The following CDK5RAP2 variants were observed in gnomAD, a reference collection of about 807,000 sequenced individuals.
CDK5RAP2 encodes the protein CDK5 regulatory subunit associated protein 2.
CDK5RAP2 carries 147 observed loss-of-function variants against 232.9 expected under a neutral mutation model. That is an observed-to-expected ratio of 0.63 (90% CI 0.55 to 0.72). The LOEUF (loss-of-function observed/expected upper bound fraction) is 0.72. CDK5RAP2 is among the 30% of genes least tolerant of loss of function. The pLI is 0.00. For synonymous variants in CDK5RAP2, 833 were observed against 833.7 expected (o/e 1.00, Z 0.01); for missense variants, 2,195 against 2,231.5 (o/e 0.98, Z 0.33).
intron 24 of CDK5RAP2, 68 bp downstream of exon 24, chr9:120,439,331 G>A: frequency 7.7e-7 from 1 of 1,292,998 alleles, no homozygotes; most frequent in East Asian, 2.3e-5. Context: ...TAGCTCATGG[G>A]CTCCCACCTA....
At chr9:120,520,780 C>CAT (rs2040598781) in intron 11 of CDK5RAP2, among the ~76,000 whole-genome samples, 5 of 144,536 alleles carry the variant, frequency 3.5e-5, no homozygotes, top group Non-Finnish European at 6.0e-5. Context: ...TCAGATATCT[C>CAT]ATGAGATATA....
At chr9:120,443,841 T>TA (rs2036038111) in intron 22 of CDK5RAP2, 99 bp from the exon 23 acceptor site, 1 of 1,522,802 alleles carries the variant, frequency 6.6e-7, no homozygotes, top group Non-Finnish European at 9.0e-7. Flanking sequence ...ACAGGGAAAA[T>TA]AAAAACACTG....
rs766530370 is a variant in CDK5RAP2, at chr9:120,539,039, G to T, written c.507+2C>A. 5.0e-6 allele frequency: 8 copies of T among 1,613,828 alleles called. No homozygotes were observed. The East Asian group carries it at 1.3e-4, about 27-fold the overall frequency. ...CACTGCCCTCAGGATTTCCAGACTTGCCTTTTCCAAAAGGAGTATTCTTTT... is the reference window on the plus strand; with the variant it reads ...CACTGCCCTCAGGATTTCCAGACTTTCCTTTTCCAAAAGGAGTATTCTTTT... On this transcript the variant is annotated splice_donor_variant, in intron 6 of 37. Transcript: ENST00000349780. LOFTEE classifies it high-confidence loss of function.
Position 120,409,248 on chromosome 9 carries a change from G to A in CDK5RAP2, c.4483C>T (p.Gln1495Ter). The A allele has an allele frequency of 1.9e-6, 3 of 1,614,026 alleles. No individual in the cohort carries two copies. Among genetic ancestry groups the A allele is most frequent in the Non-Finnish European group, 8.5e-7 (1 of 1,179,966 alleles). ...SRKTVSLEHL[Q>*]REYASVKEEN... ...TCCTTCACGCTGGCATACTCCCGCTGAAGGTGCTCCAGGCTCACGGTCTTC... is the reference window on the plus strand; with the variant it reads ...TCCTTCACGCTGGCATACTCCCGCTAAAGGTGCTCCAGGCTCACGGTCTTC... Residue 1495 changes from glutamine to a stop codon, truncating the protein, a stop_gained, in exon 30 of 38, where the codon CAG (glutamine) becomes TAG (stop). Transcript: ENST00000349780. LOFTEE classifies it high-confidence loss of function.
chr9:120,555,544 A>T (rs1030897885), intron 3 of CDK5RAP2, among the ~76,000 whole-genome samples: 2 of 152,150 alleles, frequency 1.3e-5, no homozygotes, highest in Non-Finnish European at 2.9e-5. Context: ...GTAAAATAAA[A>T]TTTTTTAATC....
chr9:120,550,413 C>A (rs1184104571), intron 4 of CDK5RAP2, among the ~76,000 whole-genome samples: 2 of 152,222 alleles, frequency 1.3e-5, no homozygotes, highest in Admixed American at 1.3e-4. Context: ...ATTCTGGAAG[C>A]AAGCCCCAAA....
In CDK5RAP2 at chr9:120,507,920, AAAAAAAAAAAAAAAAAAAAAAAATATAT is replaced by A. The variant is rs1391077162; in HGVS notation, c.1311+10479_1311+10506del. 1.7e-3 allele frequency among the ~76,000 whole-genome samples: 101 copies of A among 59,316 alleles called. 1 individual carries two copies. Among genetic ancestry groups the A allele is most frequent in the African/African-American group, 4.8e-3 (94 of 19,500 alleles). 38.9% of individuals were successfully genotyped at this position (59,316 alleles called of 152,430 possible). A position where few individuals can be genotyped will look rare whatever the true frequency, so the allele number is the denominator to read the frequency against. ...AGCAGACTGGCTGATTAAAAAAAAA[AAAAAAAAAAAAAAAAAAAAAAAATATAT>A]ATATATATATATATATATATAGTGG... On this transcript the variant is annotated intron_variant, in intron 12 of 37. Coordinates refer to ENST00000349780, the MANE Select transcript of CDK5RAP2 (RefSeq NM_018249.6).
intron 12 of CDK5RAP2, among the ~76,000 whole-genome samples, chr9:120,498,182 T>C (rs370839480): frequency 1.3e-5 from 2 of 152,222 alleles, no homozygotes; most frequent in East Asian, 1.9e-4. Context: ...CACCAATAAA[T>C]AGTCTGGGCT....
At chr9:120,569,338 C>T (rs1421178542) in intron 2 of CDK5RAP2, among the ~76,000 whole-genome samples, 1 of 152,066 alleles carries the variant, frequency 6.6e-6, no homozygotes, top group African/African-American at 2.4e-5. Flanking sequence ...ATAAACAAAA[C>T]AAAAGGACAA....
chr9:120,397,951 A>G (rs1163031875), intron 35 of CDK5RAP2, among the ~76,000 whole-genome samples: 2 of 152,132 alleles, frequency 1.3e-5, no homozygotes, highest in African/African-American at 4.8e-5. Context: ...GTAAATCCAT[A>G]GGGTTCTCTC....
chr9:120,407,711 TAA>T lies in CDK5RAP2; in HGVS notation c.4727-465_4727-464del, dbSNP rs57709885. On this transcript the variant is annotated intron_variant, in intron 31 of 37. Coordinates refer to ENST00000349780, the MANE Select transcript of CDK5RAP2 (RefSeq NM_018249.6). ...GAAACCATCTGGAAAATTAGTAAAA[TAA>T]AAAAAAAAAAAAAACACCTCACCAC... The T allele has an allele frequency of 2.0e-3, 279 of 142,286 alleles. 2 individuals are homozygous for T. Among genetic ancestry groups the T allele is most frequent in the African/African-American group, 5.3e-3 (198 of 37,578 alleles). The allele number at this position is 142,286 out of a possible 1,614,324, so 8.8% of individuals were successfully genotyped here. A position where few individuals can be genotyped will look rare whatever the true frequency, so the allele number is the denominator to read the frequency against.
At chr9:120,577,061 A>G (rs970456167) in intron 1 of CDK5RAP2, among the ~76,000 whole-genome samples, 1 of 152,162 alleles carries the variant, frequency 6.6e-6, no homozygotes, top group Non-Finnish European at 1.5e-5. Flanking sequence ...CACTTAGAGT[A>G]GTCAAAATCA....
chr9:120,503,345 G>A (rs1303539620), intron 12 of CDK5RAP2, among the ~76,000 whole-genome samples: 1 of 152,176 alleles, frequency 6.6e-6, no homozygotes, highest in East Asian at 1.9e-4. Context: ...TGACCATAGG[G>A]GGAGGGCAGG....
chr9:120,521,664 T>C (rs1231238799), intron 11 of CDK5RAP2, among the ~76,000 whole-genome samples: 287 of 149,078 alleles, frequency 1.9e-3, no homozygotes, highest in Non-Finnish European at 3.0e-3. Context: ...TTTTTTTTTT[T>C]TGAGACAGTC....
intron 14 of CDK5RAP2, among the ~76,000 whole-genome samples, chr9:120,480,611 TA>T (rs1212583591): frequency 6.6e-6 from 1 of 152,196 alleles, no homozygotes; most frequent in Non-Finnish European, 1.5e-5. Flanking sequence ...AATTTCAAAA[TA>T]TTTGGTTTCC....
chr9:120,401,167 G>A, intron 34 of CDK5RAP2: 5 of 442,100 alleles, frequency 1.1e-5, no homozygotes, highest in South Asian at 9.3e-5. Context: ...CCAAGTAAAG[G>A]GTCTGTGGGA....
intron 21 of CDK5RAP2, among the ~76,000 whole-genome samples, chr9:120,451,791 T>G (rs2036493000): frequency 6.6e-6 from 1 of 151,116 alleles, no homozygotes; most frequent in African/African-American, 2.4e-5. Context: ...TATTTCTTCA[T>G]AAGTAAAATG....
intron 10 of CDK5RAP2, among the ~76,000 whole-genome samples, chr9:120,526,328 A>G (rs560850280): frequency 5.9e-5 from 9 of 152,262 alleles, no homozygotes; most frequent in African/African-American, 1.9e-4. Context: ...ACTGTCCCAG[A>G]TCTTGCCATC....
intron 35 of CDK5RAP2, among the ~76,000 whole-genome samples, chr9:120,400,087 A>C (rs2032865013): frequency 6.6e-6 from 1 of 152,088 alleles, no homozygotes. Context: ...GAGAGTTCTA[A>C]CTCTTCCTTA....
Sources: allele counts gnomAD v4.1 joint callset (sites outside exome capture counted in the v4.1 genomes callset), GRCh38; gene constraint gnomAD v4.1.1; transcripts MANE v1.5; gene names NCBI Gene and HGNC (gene_info 2026-07-23, HGNC 2026-07-21).